CLEC2L: variants seen among roughly 807,000 people sequenced by gnomAD.
CLEC2L encodes C-type lectin domain family 2, member L.
In CLEC2L, 14 loss-of-function variants were observed where a neutral mutation model predicts 23.6. The ratio of observed to expected loss-of-function variants is 0.59; its 90% confidence interval spans 0.39 to 0.93. The LOEUF (loss-of-function observed/expected upper bound fraction) is 0.93, where lower values mean the gene tolerates loss of function less well. CLEC2L is among the 40% of genes least tolerant of loss of function. The pLI is 0.00. For synonymous variants in CLEC2L, 114 were observed against 121.3 expected (o/e 0.94, Z 0.40); for missense variants, 264 against 282.4 (o/e 0.93, Z 0.47).
At chr7:139,535,352 G>C (rs941920603) in intron 1 of CLEC2L, among the ~76,000 whole-genome samples, 1 of 152,182 alleles carries the variant, frequency 6.6e-6, no homozygotes, top group Non-Finnish European at 1.5e-5. Flanking sequence ...TAGAAGGGTG[G>C]TTGCCCGGGG....
chr7:139,542,121 C>T lies in CLEC2L; in HGVS notation c.533C>T (p.Thr178Met), dbSNP rs749251259. The T allele has an allele frequency of 6.9e-6, 11 of 1,603,706 alleles. No individual in the cohort carries two copies. The African/African-American group carries it at 1.1e-4, about 16-fold the overall frequency. The change falls in exon 4 of 5, where the codon ACG becomes ATG. Residue 178 changes from threonine (T) to methionine (M), a missense_variant and splice_region_variant. By Grantham distance (81) the Thr-to-Met change is moderately conservative. Transcript: ENST00000422142. The part of the protein sequence containing the change: ...WVNGDPFDPD[T>M]FTIAGPGECV... ...AACGGGGACCCGTTTGATCCGGACA[C>T]GTGAGCTGAGGCTTCATCTTCTGGC...
intron 1 of CLEC2L, among the ~76,000 whole-genome samples, chr7:139,535,626 A>G (rs928793476): frequency 6.6e-6 from 1 of 152,254 alleles, no homozygotes; most frequent in Non-Finnish European, 1.5e-5. Context: ...TTAAATGATA[A>G]CAAAATAAAA....
intron 3 of CLEC2L, among the ~76,000 whole-genome samples, chr7:139,541,243 A>C (rs1797730968): frequency 6.6e-6 from 1 of 152,092 alleles, no homozygotes; most frequent in Admixed American, 6.6e-5. Context: ...TCCTGGCTTC[A>C]AGTGATCCAC....
chr7:139,541,353 T>C (rs568495485), intron 3 of CLEC2L, among the ~76,000 whole-genome samples: 1 of 152,138 alleles, frequency 6.6e-6, no homozygotes, highest in South Asian at 2.1e-4. Context: ...TTACAAATTA[T>C]AAATGCATTG....
At chr7:139,543,139 C>T (rs1282932859) in intron 4 of CLEC2L, among the ~76,000 whole-genome samples, 4 of 152,188 alleles carry the variant, frequency 2.6e-5, no homozygotes. Flanking sequence ...TAGGCAGTCA[C>T]GCCCATGGCA....
In CLEC2L at chr7:139,539,515, C is replaced by T. The variant is rs1797704932; in HGVS notation, c.266-806C>T. 1 of 152,212 alleles carries T rather than the reference C, an allele frequency of 6.6e-6. No homozygotes were observed. Among genetic ancestry groups the T allele is most frequent in the Non-Finnish European group, 1.5e-5 (1 of 68,070 alleles). 9.4% of individuals were successfully genotyped at this position (152,212 alleles called of 1,614,324 possible). Reference sequence around the variant, plus strand: ...TCTGTTCGTGGAAGCAGTCTGCAGACTGGAGATCCCATGACGACTGGAAGA... The same window carrying T: ...TCTGTTCGTGGAAGCAGTCTGCAGATTGGAGATCCCATGACGACTGGAAGA... On this transcript the variant is annotated intron_variant, in intron 2 of 4. Coordinates refer to ENST00000422142, the MANE Select transcript of CLEC2L (RefSeq NM_001080511.4). This position sits in a 1 kb window ranked among gnomAD's most constrained non-coding sequence, Gnocchi z 4.1.
Position 139,536,320 on chromosome 7 carries a change from C to T in CLEC2L, c.237C>T (p.Phe79=), listed in dbSNP as rs767303012. ...TGGGTGCCATCGCGGTCCTTCTGTT[C>T]GCCATCTTGGTGGTGATGAGCATCT... ...LLLGAIAVLL[F]AILVVMSILA... Residue 79 remains phenylalanine, a synonymous_variant, in exon 2 of 5, where the codon TTC becomes TTT. Coordinates refer to ENST00000422142, the MANE Select transcript of CLEC2L (RefSeq NM_001080511.4). The T allele has an allele frequency of 8.3e-5, 129 of 1,551,316 alleles. No individual in the cohort carries two copies. Among genetic ancestry groups the T allele is most frequent in the Non-Finnish European group, 9.9e-5 (114 of 1,146,876 alleles).
chr7:139,528,759 C>T (rs1294062336), intron 1 of CLEC2L, among the ~76,000 whole-genome samples: 1 of 152,124 alleles, frequency 6.6e-6, no homozygotes, highest in Non-Finnish European at 1.5e-5. Flanking sequence ...GATGTGGTTG[C>T]AAGCCAAGGA....
intron 4 of CLEC2L, among the ~76,000 whole-genome samples, chr7:139,542,735 CAAGTG>C (rs1269527812): frequency 6.6e-5 from 10 of 152,126 alleles, no homozygotes; most frequent in Admixed American, 2.0e-4. Flanking sequence ...TTGTAAGACT[CAAGTG>C]GAGTGGATGT....
Position 139,540,149 on chromosome 7 carries a change from T to C in CLEC2L, c.266-172T>C. 1 of 627,350 alleles carries C rather than the reference T, an allele frequency of 1.6e-6. No individual in the cohort carries two copies. The highest frequency in any genetic ancestry group is 2.8e-5 in the East Asian group (1 of 35,602). 38.9% of individuals were successfully genotyped at this position (627,350 alleles called of 1,614,324 possible). ...CCCTGCCAGGCTTCCCACAGTCCCC[T>C]TTCTCATTCATTTAGTGGCCACCCT... On this transcript the variant is annotated intron_variant, in intron 2 of 4. Coordinates refer to ENST00000422142, the MANE Select transcript of CLEC2L (RefSeq NM_001080511.4). This position sits in a 1 kb window ranked among gnomAD's most constrained non-coding sequence, Gnocchi z 5.8.
In CLEC2L at chr7:139,530,215, A is replaced by G. The variant is rs189067472; in HGVS notation, c.191-6059A>G. On this transcript the variant is annotated intron_variant, in intron 1 of 4. Transcript: ENST00000422142. ...AAAACCAAACCAAACCAAACCAAAC[A>G]GCAAGGGGATTTTTAAAAGGCCATA... 4.3e-3 allele frequency among the ~76,000 whole-genome samples: 652 copies of G among 152,144 alleles called. 6 individuals carry two copies. Among genetic ancestry groups the G allele is most frequent in the African/African-American group, 0.015 (640 of 41,530 alleles).
chr7:139,524,002 CG>C lies in CLEC2L; in HGVS notation c.76del (p.Ala26ProfsTer59). On this transcript the variant is annotated frameshift_variant, in exon 1 of 5. Transcript: ENST00000422142. LOFTEE classifies it high-confidence loss of function. ...TCGCCGCGCGCCCCGCGCCCGCCCC[CG>C]CCGCCCCCAGGCCGCGTTCGCCCGC... is the stretch of plus-strand genomic sequence containing the variant. The part of the protein sequence containing the change: ...PLAARPAPAP[A>X]APRPRSPAEA... 4 of 1,078,180 alleles carry C rather than the reference CG, an allele frequency of 3.7e-6. No homozygotes were observed. The highest frequency in any genetic ancestry group is 4.5e-6 in the Non-Finnish European group (4 of 889,298). 66.8% of individuals were successfully genotyped at this position (1,078,180 alleles called of 1,614,324 possible). A position where few individuals can be genotyped will look rare whatever the true frequency, so the allele number is the denominator to read the frequency against.
chr7:139,524,246 C>A (rs997126538), intron 1 of CLEC2L, 129 bp downstream of exon 1: 6 of 953,910 alleles, frequency 6.3e-6, no homozygotes, highest in South Asian at 5.0e-5. Flanking sequence ...GGCGCCGGGA[C>A]GCGGCGGAGT....
chr7:139,539,942 G>T lies in CLEC2L; in HGVS notation c.266-379G>T, dbSNP rs1203528229. The stretch of plus-strand genomic sequence containing the variant: ...AGCCTTGGTAGCTAACATGGGCATG[G>T]TTAATGACAGCGGGCAGTCTGTCCT... On this transcript the variant is annotated intron_variant, in intron 2 of 4. Coordinates refer to ENST00000422142, the MANE Select transcript of CLEC2L (RefSeq NM_001080511.4). The surrounding 1 kb of genome is among the most constrained non-coding windows in gnomAD (Gnocchi z 4.1). 1 of 214,304 alleles carries T rather than the reference G, an allele frequency of 4.7e-6. No homozygotes were observed. Among genetic ancestry groups the T allele is most frequent in the Non-Finnish European group, 9.3e-6 (1 of 107,360 alleles). 13.3% of individuals were successfully genotyped at this position (214,304 alleles called of 1,614,324 possible). A position where few individuals can be genotyped will look rare whatever the true frequency, so the allele number is the denominator to read the frequency against.
At chr7:139,535,908 G>A (rs540011272) in intron 1 of CLEC2L, among the ~76,000 whole-genome samples, 52 of 152,358 alleles carry the variant, frequency 3.4e-4, no homozygotes, top group African/African-American at 1.3e-3. Context: ...GTAGCCCCCC[G>A]GCAGGGAGGG....
intron 4 of CLEC2L, among the ~76,000 whole-genome samples, chr7:139,542,463 C>T (rs890222113): frequency 8.5e-5 from 13 of 152,194 alleles, no homozygotes; most frequent in Non-Finnish European, 1.5e-5. Context: ...TCAGCCAGAA[C>T]GGGACAGAGA....
intron 2 of CLEC2L, 65 bp downstream of exon 2, chr7:139,536,413 ATTAG>A (rs1454783916): frequency 2.9e-6 from 4 of 1,376,308 alleles, no homozygotes; most frequent in Non-Finnish European, 3.0e-6. Flanking sequence ...AGCACGTCTA[ATTAG>A]TTAAAGAAAG....
intron 1 of CLEC2L, among the ~76,000 whole-genome samples, chr7:139,525,558 C>T (rs373528879): frequency 3.1e-4 from 47 of 152,266 alleles, no homozygotes; most frequent in African/African-American, 1.0e-3. Context: ...CCCCCCGTGA[C>T]GCTGTCTCCG....
At chr7:139,527,239 T>A (rs6958862) in intron 1 of CLEC2L, among the ~76,000 whole-genome samples, 11,200 of 152,188 alleles carry the variant, frequency 0.074, 1,355 homozygotes, top group African/African-American at 0.25. Flanking sequence ...TTGGTTGCTA[T>A]CACATGAAAG....
Sources: gnomAD v4.1 joint callset for allele counts (sites outside exome capture counted in the v4.1 genomes callset) on GRCh38, gnomAD v4.1.1 for gene constraint, Gnocchi (gnomAD v3.1) non-coding constraint, MANE v1.5 for transcripts, NCBI Gene and HGNC (gene_info 2026-07-23, HGNC 2026-07-21) for gene names.